SMOC2: variants seen among roughly 807,000 people sequenced by gnomAD.
The protein encoded by SMOC2 is SPARC-related modular calcium-binding protein 2.
A neutral mutation model predicts 61.4 loss-of-function variants in SMOC2; 39 were observed. The ratio of observed to expected loss-of-function variants is 0.64; its 90% CI spans 0.49 to 0.83. The LOEUF (loss-of-function observed/expected upper bound fraction) is 0.83. Ranked by LOEUF, SMOC2 falls within the 40% of genes least tolerant of loss-of-function variation. SMOC2 has a pLI of 0.00. For missense variants in SMOC2, 556 were observed against 592.9 expected (o/e 0.94, Z 0.65); for synonymous variants, 247 against 239.9 (o/e 1.03, Z -0.27).
chr6:168,599,589 C>CCACACACACATACCCCCACACACA (rs201783944), intron 8 of SMOC2, among the ~76,000 whole-genome samples: 1 of 9,172 alleles, frequency 1.1e-4, no homozygotes, highest in East Asian at 3.7e-3. Flanking sequence ...CCACACACAC[C>CCACACACACATACCCCCACACACA]CACACATACC....
At chr6:168,491,391 A>G (rs555294683) in intron 1 of SMOC2, among the ~76,000 whole-genome samples, 1 of 152,338 alleles carries the variant, frequency 6.6e-6, no homozygotes, top group African/African-American at 2.4e-5. Context: ...AGTCAAGAGA[A>G]GAATTAGGAA....
At chr6:168,539,362 G>A (rs1362329669) in intron 4 of SMOC2, among the ~76,000 whole-genome samples, 3 of 152,164 alleles carry the variant, frequency 2.0e-5, no homozygotes, top group East Asian at 1.9e-4. Context: ...GACTCCAAGG[G>A]CATCTCCATG....
intron 1 of SMOC2, among the ~76,000 whole-genome samples, chr6:168,464,326 T>G (rs1468554233): frequency 6.6e-6 from 1 of 152,116 alleles, no homozygotes; most frequent in East Asian, 1.9e-4. Context: ...CTCCTTCCAC[T>G]TGGCTACTCG....
chr6:168,612,665 G>C (rs1418448861), intron 9 of SMOC2, among the ~76,000 whole-genome samples: 1 of 152,232 alleles, frequency 6.6e-6, no homozygotes, highest in Non-Finnish European at 1.5e-5. Flanking sequence ...TGAGTGAGAG[G>C]GGAAAAAGCC....
intron 1 of SMOC2, among the ~76,000 whole-genome samples, chr6:168,447,341 T>C (rs2114989941): frequency 6.6e-6 from 1 of 152,344 alleles, no homozygotes; most frequent in South Asian, 2.1e-4. Flanking sequence ...ATCGATTTTC[T>C]TTCTCTTTTA....
Position 168,484,805 on chromosome 6 carries a change from A to T in SMOC2, c.85-25110A>T, listed in dbSNP as rs566004688. Among the ~76,000 whole-genome samples, 99 of 152,240 alleles carry T rather than the reference A, an allele frequency of 6.5e-4. 1 individual carries two copies. Among genetic ancestry groups the T allele is most frequent in the Non-Finnish European group, 1.2e-3 (84 of 68,032 alleles). On this transcript the variant is annotated intron_variant, in intron 1 of 12. Coordinates refer to ENST00000356284, the MANE Select transcript of SMOC2 (RefSeq NM_001166412.2). ...AATCCTGACACAGGCAGCAATGTGG[A>T]TGAACCTTGAGGACATGATGCCGAG...
At chr6:168,538,302 T>G (rs1583091979) in intron 4 of SMOC2, among the ~76,000 whole-genome samples, 1 of 104,768 alleles carries the variant, frequency 9.5e-6, no homozygotes, top group Admixed American at 1.1e-4. Context: ...GGGAGTGGGG[T>G]GACCCCTGCT....
chr6:168,478,608 A>C (rs1216656458), intron 1 of SMOC2, among the ~76,000 whole-genome samples: 1 of 152,224 alleles, frequency 6.6e-6, no homozygotes, highest in East Asian at 1.9e-4. Context: ...TTTCAACTCA[A>C]TTTCCTCAAA....
chr6:168,484,693 A>G (rs904061306), intron 1 of SMOC2, among the ~76,000 whole-genome samples: 3 of 152,254 alleles, frequency 2.0e-5, no homozygotes, highest in Admixed American at 1.3e-4. Flanking sequence ...AAGTAACCCA[A>G]GAGGCCACCA....
At chr6:168,639,031 A>G (rs73044101) in intron 9 of SMOC2, among the ~76,000 whole-genome samples, 7,820 of 152,272 alleles carry the variant, frequency 0.051, 296 homozygotes, top group Non-Finnish European at 0.082. Flanking sequence ...CTAGATGGAA[A>G]AAAGCAAATT....
chr6:168,594,064 C>G (rs1184164483), intron 7 of SMOC2, among the ~76,000 whole-genome samples: 52 of 70,834 alleles, frequency 7.3e-4, no homozygotes, highest in African/African-American at 2.7e-3. Context: ...TCACGGGCAT[C>G]TTTCTAGAGG....
At chr6:168,446,711 T>C (rs1166421054) in intron 1 of SMOC2, among the ~76,000 whole-genome samples, 1 of 152,238 alleles carries the variant, frequency 6.6e-6, no homozygotes, top group African/African-American at 2.4e-5. Context: ...CATTCTTATG[T>C]GGTTTTGCAG....
chr6:168,523,821 A>C (rs536408788), intron 2 of SMOC2, among the ~76,000 whole-genome samples: 1 of 152,302 alleles, frequency 6.6e-6, no homozygotes, highest in African/African-American at 2.4e-5. Flanking sequence ...GGTTCTGCTT[A>C]ATTTTTAACT....
chr6:168,631,560 C>T (rs1425316360), intron 9 of SMOC2, among the ~76,000 whole-genome samples: 1 of 152,184 alleles, frequency 6.6e-6, no homozygotes, highest in Non-Finnish European at 1.5e-5. Context: ...GACATGAAAA[C>T]TTAAGGATTG....
At chr6:168,457,827 A>G (rs1781623263) in intron 1 of SMOC2, among the ~76,000 whole-genome samples, 1 of 151,958 alleles carries the variant, frequency 6.6e-6, no homozygotes, top group Non-Finnish European at 1.5e-5. Flanking sequence ...TCCTCTTTCT[A>G]ATGAGTCTAA....
chr6:168,573,633 A>G (rs1784726281), intron 7 of SMOC2, among the ~76,000 whole-genome samples: 1 of 152,114 alleles, frequency 6.6e-6, no homozygotes, highest in African/African-American at 2.4e-5. Context: ...AGCAGCATGC[A>G]TGGGGCAGGC....
chr6:168,575,650 G>A (rs1784784646), intron 7 of SMOC2, among the ~76,000 whole-genome samples: 1 of 152,168 alleles, frequency 6.6e-6, no homozygotes, highest in African/African-American at 2.4e-5. Flanking sequence ...ATTTGAACCA[G>A]CCAAAAACAT....
chr6:168,524,870 G>A (rs1419702179), intron 2 of SMOC2, among the ~76,000 whole-genome samples: 1 of 152,262 alleles, frequency 6.6e-6, no homozygotes, highest in Non-Finnish European at 1.5e-5. Context: ...AGCCAGAGAG[G>A]AGTCGCACAA....
chr6:168,510,169 C>T, intron 2 of SMOC2, 83 bp downstream of exon 2: 1 of 1,408,016 alleles, frequency 7.1e-7, no homozygotes, highest in East Asian at 2.3e-5. Context: ...TACTTGATAA[C>T]TTTTTACATT....
Sources: gnomAD v4.1 joint callset for allele counts (sites outside exome capture counted in the v4.1 genomes callset) on GRCh38, gnomAD v4.1.1 for gene constraint, MANE v1.5 for transcripts, NCBI Gene and HGNC (gene_info 2026-07-23, HGNC 2026-07-21) for gene names.